SEPTIN7: variants seen among roughly 807,000 people sequenced by gnomAD.
SEPTIN7 encodes septin 7.
A neutral mutation model predicts 63.3 loss-of-function variants in SEPTIN7; 10 were observed. The observed-to-expected ratio is 0.16, with a 90% CI of 0.10 to 0.27. The LOEUF (loss-of-function observed/expected upper bound fraction) is 0.27. Ranked by LOEUF, SEPTIN7 falls within the 10% of genes least tolerant of loss-of-function variation. The pLI is 1.00. For missense variants in SEPTIN7, 310 were observed against 521.0 expected (o/e 0.59, Z 3.94); for synonymous variants, 131 against 165.3 (o/e 0.79, Z 1.59).
chr7:35,885,163 A>G (rs779302930), intron 9 of SEPTIN7, among the ~76,000 whole-genome samples: 1 of 152,060 alleles, frequency 6.6e-6, no homozygotes, highest in Non-Finnish European at 1.5e-5. Context: ...ATTTTGAACA[A>G]TTCTTTAATT....
chr7:35,831,735 G>A, intron 2 of SEPTIN7: 1 of 237,130 alleles, frequency 4.2e-6, no homozygotes, highest in Non-Finnish European at 8.3e-6. Flanking sequence ...TTTGGCTTAA[G>A]AATTAGTTTT....
intron 3 of SEPTIN7, among the ~76,000 whole-genome samples, chr7:35,840,635 A>C (rs1162873329): frequency 6.6e-6 from 1 of 151,946 alleles, no homozygotes; most frequent in Non-Finnish European, 1.5e-5. Flanking sequence ...AGAAAAAAGG[A>C]AATTTTTTTT....
In SEPTIN7 at chr7:35,906,051, A is replaced by AT. The variant is rs999164634; in HGVS notation, c.*1760dup. 2 of 152,112 alleles carry AT rather than the reference A, an allele frequency of 1.3e-5. No individual in the cohort carries two copies. Among genetic ancestry groups the AT allele is most frequent in the Non-Finnish European group, 2.9e-5 (2 of 68,016 alleles). 9.4% of individuals were successfully genotyped at this position (152,112 alleles called of 1,614,324 possible). A position where few individuals can be genotyped will look rare whatever the true frequency, so the allele number is the denominator to read the frequency against. On this transcript the variant is annotated 3_prime_UTR_variant, in exon 14 of 14. Coordinates refer to ENST00000350320, the MANE Select transcript of SEPTIN7 (RefSeq NM_001788.6). The stretch of plus-strand genomic sequence containing the variant: ...TTTTTTTCAGTTTTTGTTTTGAGAG[A>AT]TTGGGTTAACACCTCTAGCCAAAAT...
chr7:35,809,427 A>T (rs772838306), intron 1 of SEPTIN7, among the ~76,000 whole-genome samples: 25 of 152,360 alleles, frequency 1.6e-4, no homozygotes, highest in Non-Finnish European at 2.6e-4. Flanking sequence ...AAAAAAAGTT[A>T]TCAGACTATA....
chr7:35,806,598 GA>G (rs1788355526), intron 1 of SEPTIN7, among the ~76,000 whole-genome samples: 1 of 152,196 alleles, frequency 6.6e-6, no homozygotes, highest in Non-Finnish European at 1.5e-5. Flanking sequence ...ATGAATTGCT[GA>G]TGTGCATACA....
intron 1 of SEPTIN7, among the ~76,000 whole-genome samples, chr7:35,820,392 G>A (rs1370860946): frequency 1.3e-5 from 2 of 151,514 alleles, no homozygotes; most frequent in African/African-American, 4.9e-5. Context: ...CTTACTTCAT[G>A]TTTGATTTTG....
At chr7:35,878,106 A>G (rs1022270162) in intron 6 of SEPTIN7, among the ~76,000 whole-genome samples, 1 of 152,164 alleles carries the variant, frequency 6.6e-6, no homozygotes, top group African/African-American at 2.4e-5. Flanking sequence ...AAGTGGAACC[A>G]TAGTTAGTGA....
Position 35,876,585 on chromosome 7 carries a change from C to T in SEPTIN7, c.512+2810C>T, listed in dbSNP as rs1786485587. On this transcript the variant is annotated intron_variant, in intron 6 of 13. Coordinates refer to ENST00000350320, the MANE Select transcript of SEPTIN7 (RefSeq NM_001788.6). ...AGATGCAATGGCTTACGCCTGTAAT[C>T]CCAGCACTTTGGGGACCAAGGCAGG... Among the ~76,000 whole-genome samples, 3 of 152,138 alleles carry T rather than the reference C, an allele frequency of 2.0e-5. No homozygotes were observed. The South Asian group carries it at 6.2e-4, about 32-fold the overall frequency.
intron 1 of SEPTIN7, among the ~76,000 whole-genome samples, chr7:35,807,107 A>T (rs1328773983): frequency 2.6e-5 from 4 of 152,178 alleles, no homozygotes; most frequent in African/African-American, 9.7e-5. Flanking sequence ...AGACACTTTG[A>T]CACCATAGCA....
In SEPTIN7 at chr7:35,801,258, A is replaced by T. The variant is rs761574423; in HGVS notation, c.49A>T (p.Ser17Cys). ...TGCTGCTGAGGAGAGGAGCGTCAAC[A>T]GCAGCACCATGGGTGAGTCTCAGCT... ...SAAAEERSVN[S>C]STMVAQQKNL... Residue 17 changes from serine to cysteine, a missense_variant, in exon 1 of 14, where the codon AGC becomes TGC. By Grantham distance (112) the Ser-to-Cys change is moderately radical (BLOSUM62 -1). Transcript: ENST00000350320. The T allele has an allele frequency of 3.3e-6, 5 of 1,525,640 alleles. No homozygotes were observed. In the South Asian group the frequency reaches 4.9e-5, roughly 15 times the overall value. The allele number at this position is 1,525,640 out of a possible 1,614,324, so 94.5% of individuals were successfully genotyped here. A position where few individuals can be genotyped will look rare whatever the true frequency, so the allele number is the denominator to read the frequency against.
At chr7:35,829,280 C>T (rs1783698003) in intron 1 of SEPTIN7, among the ~76,000 whole-genome samples, 1 of 151,928 alleles carries the variant, frequency 6.6e-6, no homozygotes, top group Admixed American at 6.6e-5. Context: ...GCTGGGATTA[C>T]AGGCACACAT....
chr7:35,817,396 T>G (rs1021989995), intron 1 of SEPTIN7, among the ~76,000 whole-genome samples: 2 of 152,118 alleles, frequency 1.3e-5, no homozygotes, highest in African/African-American at 4.8e-5. Flanking sequence ...TTGTTTCTTA[T>G]TGATCTATAT....
At chr7:35,834,766 G>A (rs1326827273) in intron 3 of SEPTIN7, among the ~76,000 whole-genome samples, 1 of 151,908 alleles carries the variant, frequency 6.6e-6, no homozygotes, top group African/African-American at 2.4e-5. Context: ...CAGATTTTAG[G>A]CTGACTCTAA....
chr7:35,851,203 T>C (rs1784941930), intron 3 of SEPTIN7, among the ~76,000 whole-genome samples: 2 of 152,146 alleles, frequency 1.3e-5, no homozygotes, highest in Admixed American at 1.3e-4. Context: ...TTAACATGCT[T>C]ATTAGGTTGA....
intron 1 of SEPTIN7, among the ~76,000 whole-genome samples, chr7:35,823,059 A>G (rs1490388102): frequency 1.3e-5 from 2 of 151,970 alleles, no homozygotes; most frequent in African/African-American, 2.4e-5. Flanking sequence ...TAATAGCCCT[A>G]TGGAGGAATG....
In SEPTIN7 at chr7:35,855,710, CAG is replaced by C. The variant is rs1158141395; in HGVS notation, c.170-7838_170-7837del. On this transcript the variant is annotated intron_variant, in intron 3 of 13. Coordinates refer to ENST00000350320, the MANE Select transcript of SEPTIN7 (RefSeq NM_001788.6). ...ATTTTTAATTTCACTACAGAGAATTCAGAGAATATGATCTGTAGGTTCCAGCA... is the reference window on the plus strand; with the variant it reads ...ATTTTTAATTTCACTACAGAGAATTCAGAATATGATCTGTAGGTTCCAGCA... Among the ~76,000 whole-genome samples the C allele has an allele frequency of 2.0e-5, 3 of 152,198 alleles. No individual in the cohort carries two copies. The East Asian group carries it at 5.8e-4, about 29-fold the overall frequency.
chr7:35,849,772 T>G (rs577853607), intron 3 of SEPTIN7, among the ~76,000 whole-genome samples: 4 of 152,208 alleles, frequency 2.6e-5, no homozygotes, highest in Non-Finnish European at 5.9e-5. Context: ...CAAAACTACT[T>G]TTATTAAAGA....
At chr7:35,842,930 TTATA>T in intron 3 of SEPTIN7, among the ~76,000 whole-genome samples, 1 of 151,878 alleles carries the variant, frequency 6.6e-6, no homozygotes, top group African/African-American at 2.4e-5. Flanking sequence ...ACACACACAT[TTATA>T]TATATATGTG....
chr7:35,893,151 GA>G (rs1353474826), intron 11 of SEPTIN7, among the ~76,000 whole-genome samples: 1 of 152,130 alleles, frequency 6.6e-6, no homozygotes, highest in Non-Finnish European at 1.5e-5. Flanking sequence ...TAACTGAAAA[GA>G]AAGACTAATG....
Sources: allele counts gnomAD v4.1 joint callset (sites outside exome capture counted in the v4.1 genomes callset), GRCh38; gene constraint gnomAD v4.1.1; transcripts MANE v1.5; gene names NCBI Gene and HGNC (gene_info 2026-07-23, HGNC 2026-07-21).